The following SNTB2 variants were observed in gnomAD, a reference collection of about 807,000 sequenced individuals.
SNTB2 encodes beta-2-syntrophin.
SNTB2 carries 34 observed loss-of-function variants against 46.2 expected under a neutral mutation model. The ratio of observed to expected loss-of-function variants is 0.74; its 90% confidence interval spans 0.56 to 0.98. SNTB2 has a LOEUF of 0.98. Among genes scored for constraint, SNTB2 ranks in the 50% least tolerant of loss-of-function variants. The pLI is 0.00. For missense variants in SNTB2, 603 were observed against 731.4 expected (o/e 0.82, Z 2.02); for synonymous variants, 290 against 312.6 (o/e 0.93, Z 0.76).
At chr16:69,225,996 G>C (rs1343551262) in intron 1 of SNTB2, among the ~76,000 whole-genome samples, 1 of 152,094 alleles carries the variant, frequency 6.6e-6, no homozygotes, top group Non-Finnish European at 1.5e-5. Context: ...TCAAACTACT[G>C]ATCTCAAGTG....
At chr16:69,292,354 T>TTATATATA (rs1166147915) in intron 5 of SNTB2, among the ~76,000 whole-genome samples, 1 of 36,298 alleles carries the variant, frequency 2.8e-5, no homozygotes, top group Non-Finnish European at 4.6e-5. Flanking sequence ...ACCTTATTTT[T>TTATATATA]TATATATATA....
intron 4 of SNTB2, among the ~76,000 whole-genome samples, chr16:69,274,782 G>C (rs1431457428): frequency 6.6e-6 from 1 of 152,054 alleles, no homozygotes; most frequent in East Asian, 1.9e-4. Context: ...AACATAGTGA[G>C]ACCTCTGGTC....
In SNTB2 at chr16:69,292,435, T is replaced by TATATATA. The variant is rs1291261454; in HGVS notation, c.1346-7155_1346-7154insATATATA. Among the ~76,000 whole-genome samples the TATATATA allele has an allele frequency of 6.7e-4, 7 of 10,500 alleles. 1 individual carries two copies. Among genetic ancestry groups the TATATATA allele is most frequent in the Non-Finnish European group, 1.0e-3 (6 of 5,722 alleles). The allele number at this position is 10,500 out of a possible 152,430, so 6.9% of individuals were successfully genotyped here. ...TATATATATTATATATATATATATA[T>TATATATA]TATATATATATAATTTTTTTTTTGA... On this transcript the variant is annotated intron_variant, in intron 5 of 6. Coordinates refer to ENST00000336278, the MANE Select transcript of SNTB2 (RefSeq NM_006750.4).
intron 3 of SNTB2, among the ~76,000 whole-genome samples, chr16:69,263,480 A>G (rs1331686353): frequency 2.0e-5 from 3 of 149,678 alleles, no homozygotes; most frequent in African/African-American, 7.4e-5. Flanking sequence ...GTGCAATGAT[A>G]CAATCTTGGC....
chr16:69,254,688 T>C (rs1482662845), intron 2 of SNTB2, among the ~76,000 whole-genome samples: 1 of 152,154 alleles, frequency 6.6e-6, no homozygotes, highest in African/African-American at 2.4e-5. Context: ...ATCCCAAATA[T>C]ACAGAGGGAC....
intron 1 of SNTB2, among the ~76,000 whole-genome samples, chr16:69,244,336 G>T (rs1964647757): frequency 6.6e-6 from 1 of 152,210 alleles, no homozygotes; most frequent in Non-Finnish European, 1.5e-5. Flanking sequence ...ACACGCATGT[G>T]TATGTGTTTA....
At chr16:69,254,315 C>T (rs1330936213) in intron 2 of SNTB2, among the ~76,000 whole-genome samples, 1 of 152,108 alleles carries the variant, frequency 6.6e-6, no homozygotes, top group African/African-American at 2.4e-5. Flanking sequence ...CTGGTACCAC[C>T]GCTTCCCCGG....
chr16:69,247,345 G>C (rs1169642636), intron 2 of SNTB2, among the ~76,000 whole-genome samples: 2 of 152,078 alleles, frequency 1.3e-5, no homozygotes, highest in Non-Finnish European at 2.9e-5. Flanking sequence ...AAGTGGCACT[G>C]GTAGACCGAA....
chr16:69,292,354 TTATATATATATATATATATATATATTA>T (rs1965167628), intron 5 of SNTB2, among the ~76,000 whole-genome samples: 2 of 36,298 alleles, frequency 5.5e-5, no homozygotes, highest in African/African-American at 1.6e-4. Flanking sequence ...ACCTTATTTT[TTATATATATATATATATATATATATTA>T]TATATATATT....
intron 4 of SNTB2, among the ~76,000 whole-genome samples, chr16:69,280,284 A>G (rs1965027341): frequency 6.6e-6 from 1 of 152,208 alleles, no homozygotes; most frequent in South Asian, 2.1e-4. Context: ...CATGGCAACC[A>G]TCCGATTTCT....
At chr16:69,253,688 G>T (rs887626991) in intron 2 of SNTB2, among the ~76,000 whole-genome samples, 8 of 152,136 alleles carry the variant, frequency 5.3e-5, no homozygotes, top group African/African-American at 1.2e-4. Flanking sequence ...TTAACTGTCA[G>T]TGGGAAATAA....
At chr16:69,219,543 T>C (rs1964379745) in intron 1 of SNTB2, among the ~76,000 whole-genome samples, 1 of 152,104 alleles carries the variant, frequency 6.6e-6, no homozygotes, top group African/African-American at 2.4e-5. Flanking sequence ...AATAATTTGC[T>C]CAAGTCCATG....
At chr16:69,235,123 T>C (rs1238970606) in intron 1 of SNTB2, among the ~76,000 whole-genome samples, 5 of 152,038 alleles carry the variant, frequency 3.3e-5, no homozygotes, top group African/African-American at 9.7e-5. Context: ...CAATGCTCTT[T>C]GCCTCAGCCT....
Position 69,187,558 on chromosome 16 carries a change from A to G in SNTB2, c.392A>G (p.Lys131Arg), listed in dbSNP as rs1464127939. ...QEAGGLGISI[K>R]GGRENRMPIL... ...GCGGGCGGCCTGGGCATCAGCATCA[A>G]GGGCGGCCGCGAGAACCGGATGCCG... The change falls in exon 1 of 7, where the codon AAG (lysine) becomes AGG (arginine). Residue 131 changes from lysine (K) to arginine (R), a missense_variant. Coordinates refer to ENST00000336278, the MANE Select transcript of SNTB2 (RefSeq NM_006750.4). The G allele has an allele frequency of 6.0e-6, 9 of 1,496,372 alleles. No individual in the cohort carries two copies. Among genetic ancestry groups the G allele is most frequent in the Non-Finnish European group, 8.0e-6 (9 of 1,124,346 alleles). 92.7% of individuals were successfully genotyped at this position (1,496,372 alleles called of 1,614,324 possible). A position where few individuals can be genotyped will look rare whatever the true frequency, so the allele number is the denominator to read the frequency against.
chr16:69,283,313 T>C (rs1287313165), intron 4 of SNTB2, among the ~76,000 whole-genome samples: 3 of 152,230 alleles, frequency 2.0e-5, no homozygotes, highest in African/African-American at 7.2e-5. Context: ...AGTCATGTCA[T>C]TTGCAAACAA....
chr16:69,239,793 C>G (rs1447578299), intron 1 of SNTB2, among the ~76,000 whole-genome samples: 1 of 152,166 alleles, frequency 6.6e-6, no homozygotes, highest in Non-Finnish European at 1.5e-5. Context: ...GATCTGCTCA[C>G]TTTAGCCTCT....
intron 1 of SNTB2, among the ~76,000 whole-genome samples, chr16:69,206,137 C>A (rs561151599): frequency 2.0e-5 from 3 of 152,080 alleles, no homozygotes; most frequent in African/African-American, 7.2e-5. Flanking sequence ...ACGAGAATTA[C>A]AGGAGCGTGC....
At chr16:69,209,828 A>T (rs1964261072) in intron 1 of SNTB2, among the ~76,000 whole-genome samples, 2 of 152,102 alleles carry the variant, frequency 1.3e-5, no homozygotes, top group African/African-American at 4.8e-5. Context: ...TTTCTTATAT[A>T]ACCGAATGAG....
intron 1 of SNTB2, among the ~76,000 whole-genome samples, chr16:69,222,461 T>C (rs761309439): frequency 1.4e-4 from 22 of 151,946 alleles, no homozygotes; most frequent in Non-Finnish European, 2.1e-4. Flanking sequence ...GGCGTGGTGG[T>C]GTGTGCCTGT....
Sources: gnomAD v4.1 joint callset for allele counts (sites outside exome capture counted in the v4.1 genomes callset) on GRCh38, gnomAD v4.1.1 for gene constraint, MANE v1.5 for transcripts, NCBI Gene and HGNC (gene_info 2026-07-23, HGNC 2026-07-21) for gene names.